FIP1L1: variants seen among roughly 807,000 people sequenced by gnomAD.
The protein encoded by FIP1L1 is factor interacting with PAPOLA and CPSF1, also known as pre-mRNA 3'-end-processing factor FIP1.
In FIP1L1, 21 loss-of-function variants were observed where a neutral mutation model predicts 84.6. That is an observed-to-expected ratio of 0.25 (90% CI 0.18 to 0.36). The LOEUF (loss-of-function observed/expected upper bound fraction) is 0.36, where lower values mean the gene tolerates loss of function less well. FIP1L1 is among the 10% of genes least tolerant of loss of function. FIP1L1 has a pLI of 1.00. For missense variants in FIP1L1, 526 were observed against 751.1 expected (o/e 0.70, Z 3.50); for synonymous variants, 263 against 242.3 (o/e 1.09, Z -0.80).
chr4:53,429,218 G>C (rs1765543696), intron 13 of FIP1L1, among the ~76,000 whole-genome samples: 1 of 152,092 alleles, frequency 6.6e-6, no homozygotes, highest in Admixed American at 6.6e-5. Flanking sequence ...AGAAAAATAT[G>C]AAAAAATGAC....
chr4:53,392,528 G>A (rs897982983), intron 9 of FIP1L1, among the ~76,000 whole-genome samples: 1 of 152,204 alleles, frequency 6.6e-6, no homozygotes, highest in Non-Finnish European at 1.5e-5. Context: ...AGGGTCATCA[G>A]TTTTTTCTGG....
chr4:53,415,804 G>A lies in FIP1L1; in HGVS notation c.923+1082G>A, dbSNP rs1311797123. ...GGAAAGAAGTTAGTCATTCTTAAAA[G>A]TGGATATACATCTCAAAGTAAGAAT... On this transcript the variant is annotated intron_variant, in intron 11 of 17. Transcript: ENST00000337488. Among the ~76,000 whole-genome samples, 6 of 152,222 alleles carry A rather than the reference G, an allele frequency of 3.9e-5. No individual in the cohort carries two copies. In the South Asian group the frequency reaches 6.2e-4, roughly 16 times the overall value.
intron 15 of FIP1L1, among the ~76,000 whole-genome samples, chr4:53,446,140 A>G (rs1405938808): frequency 6.6e-6 from 1 of 152,090 alleles, no homozygotes; most frequent in Non-Finnish European, 1.5e-5. Context: ...ATTCACTACA[A>G]AAGATGGTAT....
At chr4:53,386,927 G>A (rs1741404659) in intron 5 of FIP1L1, among the ~76,000 whole-genome samples, 1 of 152,120 alleles carries the variant, frequency 6.6e-6, no homozygotes, top group African/African-American at 2.4e-5. Context: ...GGCTTTACTG[G>A]CCTAACCAGA....
chr4:53,422,680 C>T (rs1166204431), intron 11 of FIP1L1, among the ~76,000 whole-genome samples: 1 of 150,980 alleles, frequency 6.6e-6, no homozygotes, highest in African/African-American at 2.4e-5. Flanking sequence ...CTTTGGCTTC[C>T]AAGAAAAAGC....
intron 7 of FIP1L1, 40 bp from the exon 8 acceptor site, chr4:53,390,969 G>A: frequency 6.6e-7 from 1 of 1,510,156 alleles, no homozygotes; most frequent in Non-Finnish European, 8.9e-7. Context: ...TAAAAATAGA[G>A]CTGAAATATT....
intron 5 of FIP1L1, among the ~76,000 whole-genome samples, chr4:53,389,313 A>T (rs1184524481): frequency 6.6e-6 from 1 of 152,200 alleles, no homozygotes; most frequent in Non-Finnish European, 1.5e-5. Flanking sequence ...AGAGTGCTGT[A>T]TATTTAATAA....
intron 4 of FIP1L1, 147 bp from the exon 5 acceptor site, chr4:53,383,626 C>T (rs1270706889): frequency 1.5e-5 from 10 of 679,120 alleles, no homozygotes; most frequent in Middle Eastern, 4.3e-4. Context: ...CATGCCACTG[C>T]ACTCAAGCCG....
At chr4:53,414,945 A>G (rs886664145) in intron 11 of FIP1L1, among the ~76,000 whole-genome samples, 24 of 152,094 alleles carry the variant, frequency 1.6e-4, no homozygotes, top group Admixed American at 1.4e-3. Flanking sequence ...AATGAATTAT[A>G]TTGAACCGTG....
At chr4:53,384,012 T>G (rs1299180488) in intron 5 of FIP1L1, 136 bp downstream of exon 5, 2 of 852,612 alleles carry the variant, frequency 2.3e-6, no homozygotes, top group Non-Finnish European at 3.5e-6. Flanking sequence ...TGTTAAAGTT[T>G]CATCATGAAT....
At chr4:53,423,010 C>T (rs1278381456) in intron 11 of FIP1L1, among the ~76,000 whole-genome samples, 1 of 152,178 alleles carries the variant, frequency 6.6e-6, no homozygotes, top group Non-Finnish European at 1.5e-5. Context: ...GCCTGACCTT[C>T]AGAGATCAAT....
intron 11 of FIP1L1, among the ~76,000 whole-genome samples, chr4:53,417,144 A>C (rs1351631501): frequency 6.6e-6 from 1 of 152,180 alleles, no homozygotes; most frequent in Non-Finnish European, 1.5e-5. Flanking sequence ...GCTAATTTAT[A>C]GCGAAAATGT....
intron 11 of FIP1L1, among the ~76,000 whole-genome samples, chr4:53,419,886 G>A (rs561870557): frequency 4.4e-4 from 67 of 152,230 alleles, no homozygotes; most frequent in African/African-American, 1.6e-3. Context: ...GCTGAGGTGG[G>A]CGGATCACCT....
chr4:53,417,247 C>CA (rs1432273410), intron 11 of FIP1L1, among the ~76,000 whole-genome samples: 2 of 151,812 alleles, frequency 1.3e-5, no homozygotes, highest in Non-Finnish European at 2.9e-5. Context: ...GCTCTGGAAA[C>CA]AAAAAAACAC....
At chr4:53,409,458 C>T (rs1240850220) in intron 10 of FIP1L1, among the ~76,000 whole-genome samples, 4 of 152,234 alleles carry the variant, frequency 2.6e-5, no homozygotes, top group Non-Finnish European at 4.4e-5. Context: ...CAGGGACCCA[C>T]TTGAGGAGGC....
At chr4:53,398,635 T>A (rs1748645565) in intron 9 of FIP1L1, among the ~76,000 whole-genome samples, 1 of 143,040 alleles carries the variant, frequency 7.0e-6, no homozygotes, top group South Asian at 2.1e-4. Context: ...TGGTGTGATA[T>A]TATTTAAGTG....
intron 15 of FIP1L1, 118 bp from the exon 16 acceptor site, chr4:53,452,802 A>G: frequency 2.8e-6 from 2 of 718,358 alleles, no homozygotes; most frequent in Non-Finnish European, 4.6e-6. Context: ...ACCATGTGAT[A>G]TTTCTCTTTT....
intron 15 of FIP1L1, among the ~76,000 whole-genome samples, chr4:53,446,353 A>G (rs1774199517): frequency 6.6e-6 from 1 of 152,244 alleles, no homozygotes; most frequent in Admixed American, 6.5e-5. Flanking sequence ...ACATTGAAGC[A>G]CCTTAGTCCT....
rs184340846 is a variant in FIP1L1, at chr4:53,382,931, T to A, written c.228+596T>A. On this transcript the variant is annotated intron_variant, in intron 4 of 17. Transcript: ENST00000337488. ...AGTAAAATCTTCACAAATATAGAAT[T>A]TGCATGTAGGGCCTCTTCTAGGTAT... Among the ~76,000 whole-genome samples, 509 of 152,256 alleles carry A rather than the reference T, an allele frequency of 3.3e-3. 3 individuals carry two copies. Among genetic ancestry groups the A allele is most frequent in the African/African-American group, 0.012 (482 of 41,564 alleles).
Sources: gnomAD v4.1 joint callset for allele counts (sites outside exome capture counted in the v4.1 genomes callset) on GRCh38, gnomAD v4.1.1 for gene constraint, MANE v1.5 for transcripts, NCBI Gene and HGNC (gene_info 2026-07-23, HGNC 2026-07-21) for gene names.